Variants in PTPN21 observed in about 807,000 individuals in gnomAD.
PTPN21 encodes tyrosine-protein phosphatase non-receptor type 21.
In PTPN21, 77 loss-of-function variants were observed where a neutral mutation model predicts 131.8. That is an observed-to-expected ratio of 0.58 (90% CI 0.49 to 0.71). The LOEUF (loss-of-function observed/expected upper bound fraction) is 0.71. Among genes scored for constraint, PTPN21 ranks in the 30% least tolerant of loss-of-function variants. The probability of loss-of-function intolerance (pLI) is 0.00; values close to 1 mark genes in which losing one functional copy is unlikely to be tolerated. For missense variants in PTPN21, 1,552 were observed against 1,527.1 expected (o/e 1.02, Z -0.27); for synonymous variants, 715 against 621.3 (o/e 1.15, Z -2.24).
chr14:88,537,989 C>T (rs2078653876), intron 2 of PTPN21, among the ~76,000 whole-genome samples: 1 of 152,078 alleles, frequency 6.6e-6, no homozygotes, highest in South Asian at 2.1e-4. Flanking sequence ...TTTATGGGAC[C>T]ACCATCTTAT....
At chr14:88,484,758 C>T (rs2077707750) in intron 12 of PTPN21, among the ~76,000 whole-genome samples, 1 of 152,040 alleles carries the variant, frequency 6.6e-6, no homozygotes, top group African/African-American at 2.4e-5. Flanking sequence ...GGCGTGGTGG[C>T]GTGCCTGTAG....
At chr14:88,528,539 C>T (rs1469447199) in intron 2 of PTPN21, among the ~76,000 whole-genome samples, 1 of 152,236 alleles carries the variant, frequency 6.6e-6, no homozygotes, top group Non-Finnish European at 1.5e-5. Flanking sequence ...GCTGTGTCCT[C>T]ACCCAAATCT....
chr14:88,500,748 C>T, intron 8 of PTPN21, 35 bp downstream of exon 8: 1 of 1,381,838 alleles, frequency 7.2e-7, no homozygotes, highest in Non-Finnish European at 1.0e-6. Flanking sequence ...CAACAGGAGC[C>T]ATAGAAAACA....
intron 10 of PTPN21, among the ~76,000 whole-genome samples, chr14:88,491,830 A>G (rs2077828970): frequency 6.6e-6 from 1 of 152,216 alleles, no homozygotes; most frequent in South Asian, 2.1e-4. Context: ...TAACTATTCC[A>G]TTTTAAAAAG....
chr14:88,542,101 C>T (rs2078715601), intron 2 of PTPN21, among the ~76,000 whole-genome samples: 2 of 152,180 alleles, frequency 1.3e-5, no homozygotes, highest in South Asian at 2.1e-4. Flanking sequence ...AATCTCAAAT[C>T]CTGGGTCTTT....
Position 88,497,280 on chromosome 14 carries a change from T to G in PTPN21, c.775A>C (p.Ile259Leu), listed in dbSNP as rs780398579. 6.2e-7 allele frequency: 1 copy of G among 1,612,854 alleles called. No homozygotes were observed. Among genetic ancestry groups the G allele is most frequent in the Admixed American group, 1.7e-5 (1 of 60,006 alleles). The change falls in exon 9 of 19, where the codon ATT (isoleucine) becomes CTT (leucine). Residue 259 changes from isoleucine to leucine, a missense_variant. Physicochemically the swap from Ile to Leu is conservative, Grantham distance 5. Coordinates refer to ENST00000556564, the MANE Select transcript of PTPN21 (RefSeq NM_007039.4). ...RHPVVFRWHDIANMSHNKSFF... is the reference protein window; with the variant it reads ...RHPVVFRWHDLANMSHNKSFF... Reference sequence around the variant, plus strand: ...GACTTGTTGTGGGACATGTTGGCAATGTCATGCCACCTAAAGAACAGCAAA... The same window carrying G: ...GACTTGTTGTGGGACATGTTGGCAAGGTCATGCCACCTAAAGAACAGCAAA...
chr14:88,544,429 A>C (rs1035397770), intron 2 of PTPN21, among the ~76,000 whole-genome samples: 9 of 152,170 alleles, frequency 5.9e-5, no homozygotes, highest in Admixed American at 3.9e-4. Flanking sequence ...ACTAATAACA[A>C]TAACATAACA....
intron 2 of PTPN21, 98 bp from the exon 3 acceptor site, chr14:88,517,359 A>C: frequency 7.5e-7 from 1 of 1,327,114 alleles, no homozygotes; most frequent in South Asian, 1.3e-5. Flanking sequence ...AAATGACAGC[A>C]GTCTCTTATT....
At chr14:88,525,178 C>T (rs2078456272) in intron 2 of PTPN21, among the ~76,000 whole-genome samples, 1 of 151,856 alleles carries the variant, frequency 6.6e-6, no homozygotes, top group African/African-American at 2.4e-5. Context: ...CAGATCAAGG[C>T]TGCAGTGAGC....
intron 2 of PTPN21, among the ~76,000 whole-genome samples, chr14:88,521,529 A>G (rs990747052): frequency 1.8e-4 from 27 of 149,718 alleles, no homozygotes; most frequent in Non-Finnish European, 3.0e-4. Context: ...CAGCCTCCCA[A>G]GTAGCTAGGA....
At chr14:88,514,442 T>C (rs1011829863) in intron 3 of PTPN21, among the ~76,000 whole-genome samples, 2 of 152,062 alleles carry the variant, frequency 1.3e-5, no homozygotes, top group Non-Finnish European at 2.9e-5. Context: ...ATTCAGATTG[T>C]TGTTCTCCCC....
chr14:88,491,120 T>C (rs900342526), intron 10 of PTPN21, among the ~76,000 whole-genome samples: 1 of 151,332 alleles, frequency 6.6e-6, no homozygotes, highest in Admixed American at 6.5e-5. Context: ...ATCCTCACTT[T>C]ATAATTTTAA....
At position 88,553,185 on chromosome 14, in the gene PTPN21, T is replaced by A. The variant is rs968112690; in HGVS notation, c.-203+1466A>T. Among the ~76,000 whole-genome samples the A allele has an allele frequency of 5.9e-5, 9 of 152,226 alleles. No individual in the cohort carries two copies. In the East Asian group the frequency reaches 1.3e-3, roughly 23 times the overall value. Reference sequence around the variant, plus strand: ...ATTGTCCCTCAGACTTGAAATGTATTACTGCATCAGGGATAAAGGAAAAGT... The same window carrying A: ...ATTGTCCCTCAGACTTGAAATGTATAACTGCATCAGGGATAAAGGAAAAGT... On this transcript the variant is annotated intron_variant, in intron 1 of 18. Transcript: ENST00000556564.
intron 2 of PTPN21, among the ~76,000 whole-genome samples, chr14:88,549,050 T>C (rs2078822299): frequency 6.6e-6 from 1 of 152,206 alleles, no homozygotes; most frequent in African/African-American, 2.4e-5. Context: ...GTGAGGAAAC[T>C]AGAACTCAAA....
Position 88,550,558 on chromosome 14 carries a change from T to C in PTPN21, c.-141A>G, listed in dbSNP as rs919298863. 13 of 822,692 alleles carry C rather than the reference T, an allele frequency of 1.6e-5. No individual in the cohort carries two copies. The highest frequency in any genetic ancestry group is 2.0e-5 in the Non-Finnish European group (11 of 540,736). 51.0% of individuals were successfully genotyped at this position (822,692 alleles called of 1,614,324 possible). On this transcript the variant is annotated 5_prime_UTR_variant, in exon 2 of 19. Transcript: ENST00000556564. ...CTCCAGCTGCTCACCCAGCAGCCGC[T>C]GCCGCCATTAAAAAGCAACGGAGTC...
In PTPN21 at chr14:88,504,411, T is replaced by C. The variant is rs2078057171; in HGVS notation, c.587+14A>G. 6.4e-7 allele frequency: 1 copy of C among 1,560,356 alleles called. No homozygotes were observed. The highest frequency in any genetic ancestry group is 1.4e-5 in the African/African-American group (1 of 73,884). On this transcript the variant is annotated intron_variant, in intron 6 of 18. Transcript: ENST00000556564. ...GGTTCTATGCTATTTCCATGTCTTA[T>C]TTCTTAGAGTTACCTGTATTTCTGA...
rs1425154065 is a variant in PTPN21, at chr14:88,466,409, CTATT to C, written c.*1724_*1727del. 6.6e-6 allele frequency: 1 copy of C among 152,134 alleles called. No individual in the cohort carries two copies. Among genetic ancestry groups the C allele is most frequent in the Admixed American group, 6.5e-5 (1 of 15,274 alleles). The allele number at this position is 152,134 out of a possible 1,614,324, so 9.4% of individuals were successfully genotyped here. ...AGGCAGAGTTAGGCTGGTGCACACA[CTATT>C]TAGGAAGTCCTGTCTCGTGGCTGAC... On this transcript the variant is annotated 3_prime_UTR_variant, in exon 19 of 19. Coordinates refer to ENST00000556564, the MANE Select transcript of PTPN21 (RefSeq NM_007039.4).
chr14:88,472,624 C>T (rs55946238), intron 14 of PTPN21, among the ~76,000 whole-genome samples, 159 bp from the exon 15 acceptor site: 3 of 152,126 alleles, frequency 2.0e-5, no homozygotes, highest in Admixed American at 2.0e-4. Context: ...AATCCCTGCA[C>T]TTTGGGAGGC....
intron 10 of PTPN21, among the ~76,000 whole-genome samples, chr14:88,492,619 T>C (rs1436540380): frequency 1.3e-5 from 2 of 152,140 alleles, no homozygotes; most frequent in Non-Finnish European, 2.9e-5. Context: ...GCATGTTATC[T>C]TTACACTGCT....
Sources: gnomAD v4.1 joint callset for allele counts (sites outside exome capture counted in the v4.1 genomes callset) on GRCh38, gnomAD v4.1.1 for gene constraint, MANE v1.5 for transcripts, NCBI Gene and HGNC (gene_info 2026-07-23, HGNC 2026-07-21) for gene names.